Variants in ADD3 observed in about 807,000 individuals in gnomAD.
ADD3 encodes adducin 3.
ADD3 carries 25 observed loss-of-function variants against 80.2 expected under a neutral mutation model. That is an observed-to-expected ratio of 0.31 (90% CI 0.23 to 0.44). ADD3 has a LOEUF of 0.44. ADD3 is among the 20% of genes least tolerant of loss of function. ADD3 has a pLI of 1.00. For missense variants in ADD3, 829 were observed against 847.5 expected (o/e 0.98, Z 0.27); for synonymous variants, 284 against 289.6 (o/e 0.98, Z 0.20).
chr10:110,084,184 TC>T, intron 1 of ADD3, among the ~76,000 whole-genome samples: 1 of 152,340 alleles, frequency 6.6e-6, no homozygotes, highest in East Asian at 1.9e-4. Context: ...AGTTTACTCT[TC>T]CTGGTGAATT....
chr10:110,017,817 A>G (rs1853175769), intron 1 of ADD3, among the ~76,000 whole-genome samples: 1 of 152,220 alleles, frequency 6.6e-6, no homozygotes, highest in Admixed American at 6.5e-5. Flanking sequence ...TTTTAAATTA[A>G]GAGATATTTA....
intron 1 of ADD3, among the ~76,000 whole-genome samples, chr10:110,028,972 C>T (rs1007039017): frequency 3.7e-4 from 56 of 151,886 alleles, no homozygotes; most frequent in African/African-American, 1.1e-3. Context: ...CTCCGCCTCC[C>T]GGGTTCAAGC....
chr10:110,051,407 C>A (rs1412072222), intron 1 of ADD3, among the ~76,000 whole-genome samples: 1 of 152,070 alleles, frequency 6.6e-6, no homozygotes, highest in Admixed American at 6.5e-5. Context: ...TACAGTGGTT[C>A]CTCCAAAAGT....
chr10:110,114,241 G>A (rs1322391723), intron 3 of ADD3, among the ~76,000 whole-genome samples: 1 of 152,158 alleles, frequency 6.6e-6, no homozygotes, highest in Non-Finnish European at 1.5e-5. Context: ...AAGGTTACGG[G>A]GAGAATAGAA....
chr10:110,122,370 A>C (rs1410667636), intron 9 of ADD3, 78 bp downstream of exon 9: 2 of 1,338,030 alleles, frequency 1.5e-6, no homozygotes. Flanking sequence ...TTTGTAGAAC[A>C]TGCTCCATAC....
At chr10:110,055,444 T>A (rs1165170824) in intron 1 of ADD3, among the ~76,000 whole-genome samples, 1 of 152,194 alleles carries the variant, frequency 6.6e-6, no homozygotes, top group Non-Finnish European at 1.5e-5. Flanking sequence ...GATAAAAAAA[T>A]ATGGGTTGCT....
chr10:110,110,335 G>C (rs919283685), intron 2 of ADD3, among the ~76,000 whole-genome samples: 1 of 152,088 alleles, frequency 6.6e-6, no homozygotes, highest in South Asian at 2.1e-4. Context: ...GTATGTGAGG[G>C]AGACACACTA....
intron 10 of ADD3, 200 bp from the exon 11 acceptor site, chr10:110,125,626 G>T (rs143331446): frequency 2.8e-6 from 1 of 359,936 alleles, no homozygotes; most frequent in African/African-American, 2.1e-5. Context: ...AATCGTAATG[G>T]CATTTATTTT....
chr10:110,087,975 G>A lies in ADD3; in HGVS notation c.-29-12650G>A, dbSNP rs117660571. ...CATGCCCCTCCCCGGGCTTCTCATG[G>A]TTCCCAGCTTGGTCCCTAGGCTTGT... On this transcript the variant is annotated intron_variant, in intron 1 of 14. Transcript: ENST00000356080. Among the ~76,000 whole-genome samples the A allele has an allele frequency of 7.2e-3, 1,094 of 152,232 alleles. 6 individuals are homozygous for A. The highest frequency in any genetic ancestry group is 0.011 in the Non-Finnish European group (760 of 68,018).
chr10:110,111,835 C>G (rs11813784), intron 2 of ADD3, among the ~76,000 whole-genome samples: 5,862 of 151,976 alleles, frequency 0.039, 387 homozygotes, highest in African/African-American at 0.14. Flanking sequence ...ATCGCTTCAA[C>G]CCGGGAGGCG....
chr10:110,051,588 G>A (rs938866852), intron 1 of ADD3, among the ~76,000 whole-genome samples: 2 of 152,078 alleles, frequency 1.3e-5, no homozygotes, highest in African/African-American at 2.4e-5. Flanking sequence ...AAGTTAGATG[G>A]CTCTCTAAGT....
In ADD3 at chr10:110,092,856, A is replaced by C. The variant is rs1847717418; in HGVS notation, c.-29-7769A>C. ...TGGTCGCCTTTTCATAGAGTTGTGAAGGATTTTTCTTGGAGGCTGGAGAGA... is the reference window on the plus strand; with the variant it reads ...TGGTCGCCTTTTCATAGAGTTGTGACGGATTTTTCTTGGAGGCTGGAGAGA... On this transcript the variant is annotated intron_variant, in intron 1 of 14. Coordinates refer to ENST00000356080, the MANE Select transcript of ADD3 (RefSeq NM_016824.5). Among the ~76,000 whole-genome samples, 2 of 151,954 alleles carry C rather than the reference A, an allele frequency of 1.3e-5. 1 individual carries two copies. The highest frequency in any genetic ancestry group is 2.9e-5 in the Non-Finnish European group (2 of 67,980).
In ADD3 at chr10:110,021,900, G is replaced by GA. The variant is rs1178065038; in HGVS notation, c.-30+13609dup. On this transcript the variant is annotated intron_variant, in intron 1 of 14. Transcript: ENST00000356080. ...TGTCTCAAGTTTTTAAAAATACCAG[G>GA]AAAAAAAATCTGTGCGTGCAAATTC... Among the ~76,000 whole-genome samples the GA allele has an allele frequency of 1.4e-4, 21 of 152,028 alleles. No individual in the cohort carries two copies. In the East Asian group the frequency reaches 2.3e-3, roughly 17 times the overall value.
chr10:110,070,321 A>G (rs1244041341), intron 1 of ADD3, among the ~76,000 whole-genome samples: 1 of 152,212 alleles, frequency 6.6e-6, no homozygotes, highest in Non-Finnish European at 1.5e-5. Flanking sequence ...ATTTTTTACC[A>G]TGATACCTGT....
chr10:110,124,091 C>T lies in ADD3; in HGVS notation c.1218C>T (p.Ile406=), dbSNP rs1302699754. The T allele has an allele frequency of 8.1e-6, 13 of 1,614,158 alleles. No homozygotes were observed. Among genetic ancestry groups the T allele is most frequent in the Admixed American group, 1.7e-5 (1 of 60,030 alleles). The change falls in exon 10 of 15, where the codon ATC becomes ATT. Residue 406 remains isoleucine, a synonymous_variant. Transcript: ENST00000356080. ...CTAGGCACAAGAGTGATGTGGAAAT[C>T]CCAGCAACTGTGACTGCTTTTTCCT... ...EKPRHKSDVE[I]PATVTAFSFE...
chr10:110,121,312 C>T (rs369110287), intron 8 of ADD3, among the ~76,000 whole-genome samples: 7 of 151,874 alleles, frequency 4.6e-5, no homozygotes, highest in African/African-American at 9.7e-5. Flanking sequence ...GGAGAAACCC[C>T]GTCTGTACTA....
At position 110,130,335 on chromosome 10, in the gene ADD3, G is replaced by T. The variant is rs974741710; in HGVS notation, c.1609-28G>T. ...ATATATAAGTAAAACTCTTGGTAAT[G>T]AATCGATTTTTATTTTTTCTTTGTA... On this transcript the variant is annotated intron_variant, in intron 12 of 14. Transcript: ENST00000356080. The T allele has an allele frequency of 6.8e-6, 11 of 1,609,880 alleles. No individual in the cohort carries two copies. The African/African-American group carries it at 1.5e-4, about 22-fold the overall frequency.
intron 4 of ADD3, 87 bp from the exon 5 acceptor site, chr10:110,117,255 T>G: frequency 1.5e-6 from 1 of 667,992 alleles, no homozygotes; most frequent in Non-Finnish European, 2.6e-6. Context: ...TCTCTTACAA[T>G]TATTCATTGT....
chr10:110,069,536 A>G (rs1844409945), intron 1 of ADD3, among the ~76,000 whole-genome samples: 1 of 152,116 alleles, frequency 6.6e-6, no homozygotes, highest in Non-Finnish European at 1.5e-5. Flanking sequence ...CATAATGCTT[A>G]TTAGTTGTGT....
Sources: gnomAD v4.1 joint callset for allele counts (sites outside exome capture counted in the v4.1 genomes callset) on GRCh38, gnomAD v4.1.1 for gene constraint, MANE v1.5 for transcripts, NCBI Gene and HGNC (gene_info 2026-07-23, HGNC 2026-07-21) for gene names.